The following KCNQ1 variants were observed in gnomAD, a reference collection of about 807,000 sequenced individuals.
KCNQ1 encodes the protein potassium voltage-gated channel subfamily KQT member 1.
KCNQ1 carries 49 observed loss-of-function variants against 72.4 expected under a neutral mutation model. The observed-to-expected ratio is 0.68, with a 90% confidence interval of 0.54 to 0.86. KCNQ1 has a LOEUF of 0.86. Among genes scored for constraint, KCNQ1 ranks in the 40% least tolerant of loss-of-function variants. The pLI, the probability that KCNQ1 is intolerant of heterozygous loss-of-function variation, is 0.00. For missense variants in KCNQ1, 790 were observed against 945.1 expected (o/e 0.84, Z 2.15); for synonymous variants, 450 against 412.6 (o/e 1.09, Z -1.10).
intron 11 of KCNQ1, among the ~76,000 whole-genome samples, chr11:2,701,656 C>G (rs1850817720): frequency 6.6e-6 from 1 of 152,202 alleles, no homozygotes; most frequent in South Asian, 2.1e-4. Context: ...AACTTCAGCT[C>G]CCAAGTGGCT....
chr11:2,445,368 C>T lies in KCNQ1; in HGVS notation c.270C>T (p.Arg90=). 6.3e-7 allele frequency: 1 copy of T among 1,597,538 alleles called. No homozygotes were observed. The highest frequency in any genetic ancestry group is 8.5e-7 in the Non-Finnish European group (1 of 1,179,490). ...GPRPPVSLDP[R]VSIYSTRRPV... Reference sequence around the variant, plus strand: ...GGCCGCCGGTGAGCCTAGACCCGCGCGTCTCCATCTACAGCACGCGCCGCC... The same window carrying T: ...GGCCGCCGGTGAGCCTAGACCCGCGTGTCTCCATCTACAGCACGCGCCGCC... Residue 90 remains arginine, a synonymous_variant, in exon 1 of 16, where the codon CGC becomes CGT. Transcript: ENST00000155840.
At chr11:2,576,471 G>A (rs1260384965) in intron 6 of KCNQ1, among the ~76,000 whole-genome samples, 4 of 152,198 alleles carry the variant, frequency 2.6e-5, no homozygotes, top group East Asian at 1.9e-4. Context: ...TTGCAAACAC[G>A]GGCTTCTCTG....
chr11:2,778,052 C>T lies in KCNQ1; in HGVS notation c.1794+15C>T, dbSNP rs759410280. 3.1e-6 allele frequency: 5 copies of T among 1,612,842 alleles called. No homozygotes were observed. Among genetic ancestry groups the T allele is most frequent in the Non-Finnish European group, 4.2e-6 (5 of 1,179,676 alleles). On this transcript the variant is annotated intron_variant, in intron 15 of 15. Transcript: ENST00000155840. ...TAGAAGACAAGGTAGGCTCACGCGC[C>T]GGCCTGCGGTGGTTCTGGTTAGCGT...
intron 10 of KCNQ1, among the ~76,000 whole-genome samples, chr11:2,607,600 A>T (rs1300281094): frequency 2.0e-5 from 3 of 152,230 alleles, no homozygotes; most frequent in African/African-American, 7.2e-5. Context: ...TGAATCTGCC[A>T]GTGCCTTGAC....
intron 11 of KCNQ1, chr11:2,697,866 C>T (rs1850705151): frequency 2.5e-6 from 1 of 398,498 alleles, no homozygotes; most frequent in Non-Finnish European, 4.4e-6. Context: ...CTCTGATTCG[C>T]AATTTTAAAA....
Position 2,593,666 on chromosome 11 carries a change from C to G in KCNQ1, c.1393+4812C>G, listed in dbSNP as rs1197199435. Among the ~76,000 whole-genome samples the G allele has an allele frequency of 6.6e-6, 1 of 152,180 alleles. No homozygotes were observed. The highest frequency in any genetic ancestry group is 1.5e-5 in the Non-Finnish European group (1 of 68,024). On this transcript the variant is annotated intron_variant, in intron 10 of 15. Transcript: ENST00000155840. The surrounding 1 kb of genome is among the most constrained non-coding windows in gnomAD (Gnocchi z 6.9). ...CTCATCGTTCACACTCGTGTGTGTG[C>G]TTTCTGGAGGCATGCGTCATGGAAC...
At chr11:2,717,407 G>A (rs1246504746) in intron 11 of KCNQ1, among the ~76,000 whole-genome samples, 2 of 152,206 alleles carry the variant, frequency 1.3e-5, no homozygotes, top group Admixed American at 1.3e-4. Flanking sequence ...TACATACTGA[G>A]AAGGTAGACA....
intron 10 of KCNQ1, chr11:2,656,215 A>C (rs1308588143): frequency 2.5e-6 from 1 of 398,506 alleles, no homozygotes; most frequent in African/African-American, 2.1e-5. Flanking sequence ...ATCCTGGATG[A>C]AGTTTTAGCT....
At position 2,691,707 on chromosome 11, in the gene KCNQ1, G is replaced by T; in HGVS notation, c.1514+29626G>T. On this transcript the variant is annotated intron_variant, in intron 11 of 15. Coordinates refer to ENST00000155840, the MANE Select transcript of KCNQ1 (RefSeq NM_000218.3). The surrounding 1 kb of genome is among the most constrained non-coding windows in gnomAD (Gnocchi z 6.4). ...AAGGGGTCTCTCCCCATCTGTCCAGGGGAGAGGCAGCCCACAGGGAGCCAC... is the reference window on the plus strand; with the variant it reads ...AAGGGGTCTCTCCCCATCTGTCCAGTGGAGAGGCAGCCCACAGGGAGCCAC... 1 of 398,542 alleles carries T rather than the reference G, an allele frequency of 2.5e-6. No homozygotes were observed. The highest frequency in any genetic ancestry group is 1.3e-4 in the South Asian group (1 of 7,836). The allele number at this position is 398,542 out of a possible 1,614,324, so 24.7% of individuals were successfully genotyped here.
At position 2,664,213 on chromosome 11, in the gene KCNQ1, C is replaced by CATGG. The variant is rs1364221776; in HGVS notation, c.1514+2133_1514+2136dup. ...CTGGGAAGGCAGGAAGGAGCCCAGGCATGGGGCTTGGGGTGAGGGATCTGA... is the reference window on the plus strand; with the variant it reads ...CTGGGAAGGCAGGAAGGAGCCCAGGCATGGATGGGGCTTGGGGTGAGGGATCTGA... On this transcript the variant is annotated intron_variant, in intron 11 of 15. Transcript: ENST00000155840. This position sits in a 1 kb window ranked among gnomAD's most constrained non-coding sequence, Gnocchi z 5.1. 7.5e-6 allele frequency: 3 copies of CATGG among 398,716 alleles called. No homozygotes were observed. The highest frequency in any genetic ancestry group is 4.1e-5 in the African/African-American group (2 of 48,620). 24.7% of individuals were successfully genotyped at this position (398,716 alleles called of 1,614,324 possible).
rs1847168308 is a variant in KCNQ1 at position 2,509,914 on chromosome 11, T to C, written c.387-18014T>C. On this transcript the variant is annotated intron_variant, in intron 1 of 15. Transcript: ENST00000155840. The surrounding 1 kb of genome is among the most constrained non-coding windows in gnomAD (Gnocchi z 6.3). The stretch of plus-strand genomic sequence containing the variant: ...AAGTGACAGCCGGGAACAGACCCAC[T>C]GCCAGGGCTGCCTCTCTCTTTAGAT... 6.6e-6 allele frequency among the ~76,000 whole-genome samples: 1 copy of C among 152,158 alleles called. No individual in the cohort carries two copies.
At chr11:2,792,557 A>G (rs163163) in intron 15 of KCNQ1, among the ~76,000 whole-genome samples, 19,049 of 152,242 alleles carry the variant, frequency 0.13, 1,324 homozygotes, top group Non-Finnish European at 0.16. Flanking sequence ...GCGGGCTGCC[A>G]GGAAAAGGTC....
intron 15 of KCNQ1, among the ~76,000 whole-genome samples, chr11:2,822,658 A>T (rs1847761804): frequency 6.6e-6 from 1 of 152,222 alleles, no homozygotes. Flanking sequence ...AGGAAGGAAT[A>T]GGCCTGGTCT....
Position 2,748,317 on chromosome 11 carries a change from C to T in KCNQ1, c.1515-20527C>T, listed in dbSNP as rs1846170861. ...AGCTCACCCTGGGTCCACGCAGGGC[C>T]TGCTCCCAGAGTGAATCCCAGAGGT... On this transcript the variant is annotated intron_variant, in intron 11 of 15. Coordinates refer to ENST00000155840, the MANE Select transcript of KCNQ1 (RefSeq NM_000218.3). This position sits in a 1 kb window ranked among gnomAD's most constrained non-coding sequence, Gnocchi z 6.2. Among the ~76,000 whole-genome samples, 1 of 152,192 alleles carries T rather than the reference C, an allele frequency of 6.6e-6. No homozygotes were observed. Among genetic ancestry groups the T allele is most frequent in the African/African-American group, 2.4e-5 (1 of 41,454 alleles).
rs1250041337 is a variant in KCNQ1 at position 2,562,762 on chromosome 11, C to T, written c.478-7866C>T. On this transcript the variant is annotated intron_variant, in intron 2 of 15. Coordinates refer to ENST00000155840, the MANE Select transcript of KCNQ1 (RefSeq NM_000218.3). This position sits in a 1 kb window ranked among gnomAD's most constrained non-coding sequence, Gnocchi z 7.5. Reference sequence around the variant, plus strand: ...CAGTGGAAGGTCCCCAGGCCTAAGTCTATGGGGGCGCCAGGGAGGCCGGCT... The same window carrying T: ...CAGTGGAAGGTCCCCAGGCCTAAGTTTATGGGGGCGCCAGGGAGGCCGGCT... Among the ~76,000 whole-genome samples the T allele has an allele frequency of 6.6e-6, 1 of 152,162 alleles. No homozygotes were observed. Among genetic ancestry groups the T allele is most frequent in the Non-Finnish European group, 1.5e-5 (1 of 68,020 alleles).
intron 1 of KCNQ1, among the ~76,000 whole-genome samples, chr11:2,522,204 C>T (rs1361027945): frequency 1.3e-4 from 5 of 37,724 alleles, no homozygotes; most frequent in African/African-American, 3.2e-4. Context: ...TGCAGCTCCC[C>T]GCCCCCCGCA....
chr11:2,563,350 C>T lies in KCNQ1; in HGVS notation c.478-7278C>T, dbSNP rs1364109652. Among the ~76,000 whole-genome samples the T allele has an allele frequency of 2.0e-5, 3 of 152,212 alleles. No homozygotes were observed. Among genetic ancestry groups the T allele is most frequent in the African/African-American group, 7.2e-5 (3 of 41,440 alleles). On this transcript the variant is annotated intron_variant, in intron 2 of 15. Transcript: ENST00000155840. The surrounding 1 kb of genome is among the most constrained non-coding windows in gnomAD (Gnocchi z 7.4). ...TTTCCCCGCTCTGTTCACTCGGAGA[C>T]TAAAAATCCCAGATAAGCACCTGCT...
At position 2,670,525 on chromosome 11, in the gene KCNQ1, T is replaced by G. The variant is rs1014807635; in HGVS notation, c.1514+8444T>G. On this transcript the variant is annotated intron_variant, in intron 11 of 15. Coordinates refer to ENST00000155840, the MANE Select transcript of KCNQ1 (RefSeq NM_000218.3). The surrounding 1 kb of genome is among the most constrained non-coding windows in gnomAD (Gnocchi z 4.9). ...TCCTCCCAGCTCACAGAAGGGGAAA[T>G]TGAAGCCTCAAGAAGGATAGGGACT... 5.0e-6 allele frequency: 2 copies of G among 397,294 alleles called. No homozygotes were observed. The highest frequency in any genetic ancestry group is 8.9e-6 in the Non-Finnish European group (2 of 225,788). 24.6% of individuals were successfully genotyped at this position (397,294 alleles called of 1,614,324 possible). A position where few individuals can be genotyped will look rare whatever the true frequency, so the allele number is the denominator to read the frequency against.
chr11:2,739,890 C>T (rs1049578289), intron 11 of KCNQ1, among the ~76,000 whole-genome samples: 1 of 152,212 alleles, frequency 6.6e-6, no homozygotes, highest in African/African-American at 2.4e-5. Flanking sequence ...CCCTATGGGT[C>T]GGGACAGAGG....
Sources: allele counts gnomAD v4.1 joint callset (sites outside exome capture counted in the v4.1 genomes callset), GRCh38; gene constraint gnomAD v4.1.1; non-coding constraint Gnocchi (gnomAD v3.1); transcripts MANE v1.5; gene names NCBI Gene and HGNC (gene_info 2026-07-23, HGNC 2026-07-21).